ZSWIM9: variants seen among roughly 807,000 people sequenced by gnomAD.
ZSWIM9 encodes zinc finger SWIM-type containing 9.
ZSWIM9 carries 11 observed loss-of-function variants against 25.0 expected under a neutral mutation model. That is an observed-to-expected ratio of 0.44 (90% confidence interval 0.28 to 0.73). The LOEUF (loss-of-function observed/expected upper bound fraction) is 0.73. ZSWIM9 is among the 30% of genes least tolerant of loss of function. ZSWIM9 has a pLI of 0.16. For missense variants in ZSWIM9, 1,070 were observed against 1,296.5 expected (o/e 0.83, Z 2.68); for synonymous variants, 562 against 582.1 (o/e 0.97, Z 0.50).
chr19:48,175,980 C>A (rs1162223611), intron 2 of ZSWIM9, among the ~76,000 whole-genome samples: 2 of 152,264 alleles, frequency 1.3e-5, no homozygotes, highest in South Asian at 2.1e-4. Context: ...CCGAGGCGGG[C>A]AGATCACTTG....
chr19:48,188,277 C>T (rs975635218), intron 3 of ZSWIM9, among the ~76,000 whole-genome samples: 5 of 151,334 alleles, frequency 3.3e-5, no homozygotes, highest in Non-Finnish European at 5.9e-5. Flanking sequence ...GGCTGGAGTG[C>T]AGTGGCGCAA....
intron 3 of ZSWIM9, among the ~76,000 whole-genome samples, chr19:48,187,114 G>A (rs1022592588): frequency 3.3e-5 from 5 of 150,818 alleles, no homozygotes; most frequent in African/African-American, 1.2e-4. Context: ...AGGATTCATG[G>A]GTTTTTAGGG....
chr19:48,185,751 C>T (rs993765348), intron 3 of ZSWIM9, among the ~76,000 whole-genome samples: 1 of 152,198 alleles, frequency 6.6e-6, no homozygotes, highest in Non-Finnish European at 1.5e-5. Flanking sequence ...CTTTGGGACT[C>T]TGAGGCAGAT....
At chr19:48,171,743 C>A in intron 1 of ZSWIM9, 51 bp from the exon 2 acceptor site, 1 of 1,469,158 alleles carries the variant, frequency 6.8e-7, no homozygotes, top group East Asian at 2.5e-5. Flanking sequence ...GATGAGATAC[C>A]CCGGGTGGGA....
At chr19:48,176,941 G>A (rs898554866) in intron 2 of ZSWIM9, among the ~76,000 whole-genome samples, 14 of 151,872 alleles carry the variant, frequency 9.2e-5, no homozygotes, top group African/African-American at 1.5e-4. Flanking sequence ...TGGGTGTGGC[G>A]GCGTGTACCT....
Position 48,194,848 on chromosome 19 carries a change from G to A in ZSWIM9, c.784G>A (p.Val262Met). 1 of 1,377,352 alleles carries A rather than the reference G, an allele frequency of 7.3e-7. No individual in the cohort carries two copies. The highest frequency in any genetic ancestry group is 9.3e-7 in the Non-Finnish European group (1 of 1,074,106). The allele number at this position is 1,377,352 out of a possible 1,614,324, so 85.3% of individuals were successfully genotyped here. ...CCGTGCGCGCCAGGCTGCCTGCTGC[G>A]TGGCGCGCCCGGGCACACCGAGCCT... ...SGRARQAACC[V>M]ARPGTPSLLR... Residue 262 changes from valine to methionine, a missense_variant, in exon 4 of 4, where the codon GTG (valine) becomes ATG (methionine). Physicochemically the swap from Val to Met is conservative, Grantham distance 21. This residue lies in a region of ZSWIM9 where 38 missense variants were observed against 89.7 expected (regional missense o/e 0.42). Transcript: ENST00000614654. The surrounding 1 kb of genome is among the most constrained non-coding windows in gnomAD (Gnocchi z 6.0).
At chr19:48,191,351 C>A (rs184157862) in intron 3 of ZSWIM9, among the ~76,000 whole-genome samples, 1 of 151,946 alleles carries the variant, frequency 6.6e-6, no homozygotes, top group Non-Finnish European at 1.5e-5. Flanking sequence ...ATTACAGGCG[C>A]GCACCACCAC....
chr19:48,176,300 C>G (rs185912513), intron 2 of ZSWIM9, among the ~76,000 whole-genome samples: 2 of 152,258 alleles, frequency 1.3e-5, no homozygotes, highest in East Asian at 3.9e-4. Context: ...ACTATTTCTG[C>G]ATTGTTTACT....
intron 2 of ZSWIM9, among the ~76,000 whole-genome samples, chr19:48,175,350 G>C (rs1176736647): frequency 6.6e-6 from 1 of 152,104 alleles, no homozygotes; most frequent in Non-Finnish European, 1.5e-5. Context: ...GTTCAGGAAC[G>C]ATATCTTGGA....
At chr19:48,174,054 G>T (rs1160591957) in intron 2 of ZSWIM9, among the ~76,000 whole-genome samples, 1 of 151,950 alleles carries the variant, frequency 6.6e-6, no homozygotes, top group Non-Finnish European at 1.5e-5. Context: ...GGGCTTTGCT[G>T]CCCAGGTTTG....
intron 3 of ZSWIM9, among the ~76,000 whole-genome samples, chr19:48,185,772 A>T (rs931535509): frequency 1.3e-5 from 2 of 152,142 alleles, no homozygotes; most frequent in African/African-American, 4.8e-5. Flanking sequence ...GGATCACCTG[A>T]TGGCAGGAGT....
In ZSWIM9 at chr19:48,182,420, T is replaced by A; in HGVS notation, c.276-35T>A. On this transcript the variant is annotated intron_variant, in intron 2 of 3. Transcript: ENST00000614654. The surrounding 1 kb of genome is among the most constrained non-coding windows in gnomAD (Gnocchi z 4.6). ...GGAAAGGAAGAAGAGGGCAGCAGAGTGATGTGACCAGGGCGGTGGTGGTTC... is the reference window on the plus strand; with the variant it reads ...GGAAAGGAAGAAGAGGGCAGCAGAGAGATGTGACCAGGGCGGTGGTGGTTC... The A allele has an allele frequency of 6.8e-7, 1 of 1,470,804 alleles. No homozygotes were observed. Among genetic ancestry groups the A allele is most frequent in the Non-Finnish European group, 9.1e-7 (1 of 1,103,222 alleles). 91.1% of individuals were successfully genotyped at this position (1,470,804 alleles called of 1,614,324 possible).
In ZSWIM9 at chr19:48,182,622, T is replaced by G. The variant is rs887902422; in HGVS notation, c.443T>G (p.Val148Gly). 6.5e-7 allele frequency: 1 copy of G among 1,535,782 alleles called. No homozygotes were observed. The highest frequency in any genetic ancestry group is 8.7e-7 in the Non-Finnish European group (1 of 1,146,678). Residue 148 changes from valine (V) to glycine (G), a missense_variant, in exon 3 of 4, where the codon GTG (valine) becomes GGG (glycine). Around this residue, in one of 4 missense-constraint regions of ZSWIM9, gnomAD observed 265 missense variants for 339.0 expected, o/e 0.78. Transcript: ENST00000614654. The surrounding 1 kb of genome is among the most constrained non-coding windows in gnomAD (Gnocchi z 4.6). ...GHLLANACLP[V>G]RTTNKISKQF... ...CTGCTGGCCAACGCCTGCCTGCCGGTGCGCACCACCAACAAGATCTCCAAG... is the reference window on the plus strand; with the variant it reads ...CTGCTGGCCAACGCCTGCCTGCCGGGGCGCACCACCAACAAGATCTCCAAG...
Position 48,196,714 on chromosome 19 carries a change from G to T in ZSWIM9, c.2650G>T (p.Ala884Ser), listed in dbSNP as rs1318249321. ...GACACGCTGCAGCTGCTCAATTCAC[G>T]CCGCCCGCCGTCTGCCCTGCAGACA... ...ALTRCSCSIHAARRLPCRHLF... is the reference protein window; with the variant it reads ...ALTRCSCSIHSARRLPCRHLF... Residue 884 changes from alanine (A) to serine (S), a missense_variant, in exon 4 of 4, where the codon GCC (alanine) becomes TCC (serine). Transcript: ENST00000614654. 1 of 1,232,932 alleles carries T rather than the reference G, an allele frequency of 8.1e-7. No individual in the cohort carries two copies. The allele number at this position is 1,232,932 out of a possible 1,614,324, so 76.4% of individuals were successfully genotyped here.
chr19:48,180,221 GGTCA>G (rs1233686674), intron 2 of ZSWIM9, among the ~76,000 whole-genome samples: 1 of 152,068 alleles, frequency 6.6e-6, no homozygotes. Context: ...TCTCCATGTT[GGTCA>G]GGCTGGTCTT....
intron 2 of ZSWIM9, among the ~76,000 whole-genome samples, chr19:48,176,031 C>A (rs963867662): frequency 1.3e-5 from 2 of 152,138 alleles, no homozygotes; most frequent in Non-Finnish European, 2.9e-5. Context: ...CAGGGTGAAA[C>A]CCTGTCTGTA....
In ZSWIM9 at chr19:48,197,101, T is replaced by A; in HGVS notation, c.*274T>A. On this transcript the variant is annotated 3_prime_UTR_variant, in exon 4 of 4. Transcript: ENST00000614654. ...TGGAGAGGAAGCATGTGATGAGAGG[T>A]GTAGACAGGGTCAGGCTGGGACAGA... The A allele has an allele frequency of 1.6e-6, 1 of 616,658 alleles. No individual in the cohort carries two copies. 38.2% of individuals were successfully genotyped at this position (616,658 alleles called of 1,614,324 possible).
chr19:48,182,713 C>T lies in ZSWIM9; in HGVS notation c.534C>T (p.Val178=). ...LSYCKGRDHG[V]LDALHVLEGL... is the part of the protein sequence containing the mutation. ...ACTGCAAGGGCCGCGACCACGGCGT[C>T]CTGGACGCCCTGCACGTGCTCGAGG... The change falls in exon 3 of 4, where the codon GTC becomes GTT. Residue 178 remains valine (V), a synonymous_variant. Coordinates refer to ENST00000614654, the MANE Select transcript of ZSWIM9 (RefSeq NM_199341.4). The surrounding 1 kb of genome is among the most constrained non-coding windows in gnomAD (Gnocchi z 4.6). 1 of 1,535,212 alleles carries T rather than the reference C, an allele frequency of 6.5e-7. No homozygotes were observed.
At chr19:48,192,518 CAT>C (rs2037110712) in intron 3 of ZSWIM9, among the ~76,000 whole-genome samples, 1 of 108,484 alleles carries the variant, frequency 9.2e-6, no homozygotes, top group Non-Finnish European at 1.9e-5. Flanking sequence ...CACACACACA[CAT>C]TTACATAGCC....
Sources: allele counts gnomAD v4.1 joint callset (sites outside exome capture counted in the v4.1 genomes callset), GRCh38; gene constraint gnomAD v4.1.1; regional missense constraint gnomAD v4.1.1; non-coding constraint Gnocchi (gnomAD v3.1); transcripts MANE v1.5; gene names NCBI Gene and HGNC (gene_info 2026-07-23, HGNC 2026-07-21).